TEAD2: variants seen among roughly 807,000 people sequenced by gnomAD.
The protein encoded by TEAD2 is transcriptional enhancer factor TEF-4.
In TEAD2, 51 loss-of-function variants were observed where a neutral mutation model predicts 61.4. The ratio of observed to expected loss-of-function variants is 0.83; its 90% confidence interval spans 0.66 to 1.05. TEAD2 has a LOEUF of 1.05. TEAD2 is among the 50% of genes least tolerant of loss of function. The pLI, the probability that TEAD2 is intolerant of heterozygous loss-of-function variation, is 0.00. For missense variants in TEAD2, 509 were observed against 600.0 expected, an observed-to-expected ratio of 0.85 and a Z score of 1.58; for synonymous variants, 244 against 243.2, an observed-to-expected ratio of 1.00 and a Z score of -0.03.
chr19:49,347,107 C>T (rs1427574297), intron 10 of TEAD2, 83 bp downstream of exon 10: 21 of 1,548,168 alleles, frequency 1.4e-5, no homozygotes, highest in East Asian at 4.5e-5. Context: ...GTAGGGCCCG[C>T]GACAGATTCT....
At chr19:49,354,735 C>T (rs147742696) in intron 7 of TEAD2, among the ~76,000 whole-genome samples, 2,642 of 152,230 alleles carry the variant, frequency 0.017, 73 homozygotes, top group African/African-American at 0.054. Context: ...CACGGTGGCT[C>T]ACGCCTGTAA....
In TEAD2 at chr19:49,359,819, G is replaced by A; in HGVS notation, c.232+25C>T. On this transcript the variant is annotated intron_variant, in intron 2 of 12. Transcript: ENST00000593945. This position sits in a 1 kb window ranked among gnomAD's most constrained non-coding sequence, Gnocchi z 4.1. ...TGTCATTATTCATCAGTGGGGGCCA[G>A]GGCAAAAGACAGAAGTAGACTCACC... The A allele has an allele frequency of 6.2e-7, 1 of 1,607,698 alleles. No homozygotes were observed. Among genetic ancestry groups the A allele is most frequent in the Non-Finnish European group, 8.5e-7 (1 of 1,176,278 alleles).
At chr19:49,352,339 T>C (rs1039642263) in intron 7 of TEAD2, among the ~76,000 whole-genome samples, 1 of 152,184 alleles carries the variant, frequency 6.6e-6, no homozygotes, top group African/African-American at 2.4e-5. Flanking sequence ...TTAATTTAAA[T>C]AGCTGCATGA....
rs200716434 is a variant in TEAD2 at position 49,345,252 on chromosome 19, G to C, written c.922-1854C>G. Among the ~76,000 whole-genome samples the C allele has an allele frequency of 3.9e-5, 6 of 152,290 alleles. No homozygotes were observed. The East Asian group carries it at 1.2e-3, about 29-fold the overall frequency. Reference sequence around the variant, plus strand: ...TCCAGAACAACAACACTCCCAGCAAGAACAGTAAAGTTCAGGCCCTCAGCA... The same window carrying C: ...TCCAGAACAACAACACTCCCAGCAACAACAGTAAAGTTCAGGCCCTCAGCA... On this transcript the variant is annotated intron_variant, in intron 10 of 12. Transcript: ENST00000593945.
intron 12 of TEAD2, 100 bp downstream of exon 12, chr19:49,342,338 G>C: frequency 2.0e-6 from 3 of 1,470,816 alleles, no homozygotes; most frequent in Non-Finnish European, 2.8e-6. Context: ...TCCCTGCTGT[G>C]TCAGTTCCTG....
At chr19:49,358,997 G>A (rs532067500) in intron 3 of TEAD2, among the ~76,000 whole-genome samples, 10 of 152,076 alleles carry the variant, frequency 6.6e-5, no homozygotes, top group Admixed American at 6.5e-4. Context: ...CCAGCACTTT[G>A]GGGGGCTGAG....
Position 49,343,384 on chromosome 19 carries a change from C to T in TEAD2, c.936G>A (p.Trp312Ter), listed in dbSNP as rs766754519. The change falls in exon 11 of 13, where the codon TGG becomes TGA. Residue 312 changes from tryptophan to a stop codon, truncating the protein, a stop_gained. Transcript: ENST00000593945. LOFTEE classifies it high-confidence loss of function. ...FLVKFWADLN[W>*]GPSGEEAGAG... is the part of the protein sequence containing the mutation. ...CCCCTGCCTCCTCACCACTTGGGCC[C>T]CAGTTCAGGTCCGCCTGGGAGATGG... 3.1e-6 allele frequency: 5 copies of T among 1,609,424 alleles called. No homozygotes were observed. Among genetic ancestry groups the T allele is most frequent in the Non-Finnish European group, 4.2e-6 (5 of 1,178,498 alleles).
In TEAD2 at chr19:49,341,022, T is replaced by C; in HGVS notation, c.*302A>G. ...TGAAAAGAAAAGCCAGTGCTGTACC[T>C]GGGGGGTTGTCTCACTCCTGTCCCC... On this transcript the variant is annotated 3_prime_UTR_variant, in exon 13 of 13. Coordinates refer to ENST00000593945, the MANE Select transcript of TEAD2 (RefSeq NM_001256660.2). This position sits in a 1 kb window ranked among gnomAD's most constrained non-coding sequence, Gnocchi z 4.2. 3.3e-6 allele frequency: 1 copy of C among 301,814 alleles called. No individual in the cohort carries two copies. Among genetic ancestry groups the C allele is most frequent in the Non-Finnish European group, 6.3e-6 (1 of 158,416 alleles). The allele number at this position is 301,814 out of a possible 1,614,324, so 18.7% of individuals were successfully genotyped here.
intron 3 of TEAD2, among the ~76,000 whole-genome samples, chr19:49,358,233 C>CA (rs1972535697): frequency 6.6e-6 from 1 of 151,526 alleles, no homozygotes; most frequent in Non-Finnish European, 1.5e-5. Context: ...GACTCCGTCT[C>CA]AAAAAAATAT....
Position 49,341,022 on chromosome 19 carries a change from T to G in TEAD2, c.*302A>C, listed in dbSNP as rs912917768. On this transcript the variant is annotated 3_prime_UTR_variant, in exon 13 of 13. Coordinates refer to ENST00000593945, the MANE Select transcript of TEAD2 (RefSeq NM_001256660.2). The surrounding 1 kb of genome is among the most constrained non-coding windows in gnomAD (Gnocchi z 4.2). ...TGAAAAGAAAAGCCAGTGCTGTACC[T>G]GGGGGGTTGTCTCACTCCTGTCCCC... The G allele has an allele frequency of 3.3e-6, 1 of 301,814 alleles. No homozygotes were observed. 18.7% of individuals were successfully genotyped at this position (301,814 alleles called of 1,614,324 possible).
At chr19:49,351,420 A>G in intron 7 of TEAD2, 55 bp from the exon 8 acceptor site, 1 of 1,525,366 alleles carries the variant, frequency 6.6e-7, no homozygotes, top group Non-Finnish European at 8.9e-7. Context: ...TAATGTCACC[A>G]GCAAATGTTT....
chr19:49,351,472 AC>A (rs1425374126), intron 7 of TEAD2, 107 bp from the exon 8 acceptor site: 29 of 1,052,508 alleles, frequency 2.8e-5, no homozygotes, highest in Middle Eastern at 2.7e-4. Context: ...CATTTTGTGC[AC>A]AATCTCACTG....
At chr19:49,342,326 AG>A in intron 12 of TEAD2, 111 bp downstream of exon 12, 1 of 1,382,056 alleles carries the variant, frequency 7.2e-7, no homozygotes, top group Non-Finnish European at 1.0e-6. Flanking sequence ...CTCACTTTGG[AG>A]TCCCTGCTGT....
chr19:49,358,862 ACCT>A (rs1485023461), intron 3 of TEAD2, among the ~76,000 whole-genome samples: 1 of 147,266 alleles, frequency 6.8e-6, no homozygotes, highest in African/African-American at 2.5e-5. Flanking sequence ...CGATCTCCTG[ACCT>A]CCTGATCCGC....
intron 8 of TEAD2, 134 bp from the exon 9 acceptor site, chr19:49,348,979 A>G (rs1971830325): frequency 8.1e-7 from 1 of 1,231,248 alleles, no homozygotes; most frequent in Non-Finnish European, 1.1e-6. Context: ...CCTTGCAGTT[A>G]GAAGTGGCCA....
Position 49,351,338 on chromosome 19 carries a change from G to A in TEAD2, c.567C>T (p.Phe189=). The change falls in exon 8 of 13, where the codon TTC becomes TTT. Residue 189 remains phenylalanine (F), a synonymous_variant. Transcript: ENST00000593945. ...PDVKPFSQTP[F]TLSLTPPSTD... is the part of the protein sequence containing the mutation. ...TAGATGGGGGAGTCAGTGACAAGGT[G>A]AACGGTGTCTGTGAGAATGGCTTCA... The A allele has an allele frequency of 5.0e-6, 8 of 1,612,622 alleles. No individual in the cohort carries two copies. Among genetic ancestry groups the A allele is most frequent in the Non-Finnish European group, 3.4e-6 (4 of 1,179,518 alleles).
In TEAD2 at chr19:49,341,439, TG is replaced by T; in HGVS notation, c.1243-3del. 6.2e-7 allele frequency: 1 copy of T among 1,613,360 alleles called. No homozygotes were observed. The highest frequency in any genetic ancestry group is 1.1e-5 in the South Asian group (1 of 91,066). Reference sequence around the variant, plus strand: ...CTGGGTGTCTCTGTTTGTCACCACCTGCCAGGAAGGCCAGGACAAGGGACTT... The same window carrying T: ...CTGGGTGTCTCTGTTTGTCACCACCTCCAGGAAGGCCAGGACAAGGGACTT... On this transcript the variant is annotated splice_region_variant and splice_polypyrimidine_tract_variant and intron_variant, in intron 12 of 12. Transcript: ENST00000593945. The surrounding 1 kb of genome is among the most constrained non-coding windows in gnomAD (Gnocchi z 4.2).
chr19:49,356,166 A>C (rs1049496520), intron 4 of TEAD2, 196 bp from the exon 5 acceptor site: 3 of 399,282 alleles, frequency 7.5e-6, no homozygotes. Flanking sequence ...CTCCCTGCCC[A>C]GAAAGACAGT....
intron 10 of TEAD2, among the ~76,000 whole-genome samples, chr19:49,346,106 A>G (rs569025474): frequency 6.9e-6 from 1 of 145,712 alleles, no homozygotes; most frequent in African/African-American, 2.5e-5. Flanking sequence ...CAGAGGTTGC[A>G]GTGAGCCGAG....
Sources: gnomAD v4.1 joint callset for allele counts (sites outside exome capture counted in the v4.1 genomes callset) on GRCh38, gnomAD v4.1.1 for gene constraint, Gnocchi (gnomAD v3.1) non-coding constraint, MANE v1.5 for transcripts, NCBI Gene and HGNC (gene_info 2026-07-23, HGNC 2026-07-21) for gene names.